The following STAT5B variants were observed in gnomAD, a reference collection of about 807,000 sequenced individuals.
STAT5B encodes the protein signal transducer and activator of transcription 5B, also known as transcription factor STAT5B.
A neutral mutation model predicts 107.8 loss-of-function variants in STAT5B; 21 were observed. The ratio of observed to expected loss-of-function variants is 0.19; its 90% CI spans 0.14 to 0.28. The LOEUF (loss-of-function observed/expected upper bound fraction) is 0.28, where lower values mean the gene tolerates loss of function less well. Among genes scored for constraint, STAT5B ranks in the 10% least tolerant of loss-of-function variants. The probability of loss-of-function intolerance (pLI) is 1.00; values close to 1 mark genes in which losing one functional copy is unlikely to be tolerated. For synonymous variants in STAT5B, 325 were observed against 401.7 expected (o/e 0.81, Z 2.28); for missense variants, 565 against 1,008.2 (o/e 0.56, Z 5.95).
intron 16 of STAT5B, among the ~76,000 whole-genome samples, chr17:42,205,557 A>G (rs2080078325): frequency 4.6e-5 from 7 of 152,094 alleles, no homozygotes; most frequent in African/African-American, 1.7e-4. Context: ...CTTGGCATAC[A>G]ATGTTTTTCT....
At chr17:42,222,767 C>T (rs755763421) in intron 5 of STAT5B, among the ~76,000 whole-genome samples, 1 of 146,390 alleles carries the variant, frequency 6.8e-6, no homozygotes, top group African/African-American at 2.5e-5. Flanking sequence ...CTGCAACCTC[C>T]GCCTCCCGGG....
chr17:42,207,441 G>T, intron 16 of STAT5B, 117 bp downstream of exon 16: 2 of 1,333,126 alleles, frequency 1.5e-6, no homozygotes, highest in Non-Finnish European at 1.1e-6. Flanking sequence ...TCACTGAATG[G>T]TAATTGTGTG....
chr17:42,255,841 A>G (rs1336561569), intron 1 of STAT5B, among the ~76,000 whole-genome samples: 1 of 152,240 alleles, frequency 6.6e-6, no homozygotes, highest in Non-Finnish European at 1.5e-5. Context: ...CTGTAATCCC[A>G]GCACTTTGGG....
chr17:42,237,504 G>A (rs1262847469), intron 1 of STAT5B, among the ~76,000 whole-genome samples: 1 of 152,186 alleles, frequency 6.6e-6, no homozygotes, highest in African/African-American at 2.4e-5. Context: ...AACTGCAGTG[G>A]AGAGTAGTGT....
Position 42,223,508 on chromosome 17 carries a change from G to A in STAT5B, c.424C>T (p.Leu142Phe), listed in dbSNP as rs2144267377. 6.2e-7 allele frequency: 1 copy of A among 1,614,146 alleles called. No individual in the cohort carries two copies. The highest frequency in any genetic ancestry group is 1.6e-4 in the Middle Eastern group (1 of 6,062). Residue 142 changes from leucine to phenylalanine, a missense_variant, in exon 5 of 19, where the codon CTC becomes TTC. By Grantham distance (22) the Leu-to-Phe change is conservative. Transcript: ENST00000293328. ...SLADAMSQKH[L>F]QINQTFEELR... The stretch of plus-strand genomic sequence containing the variant: ...TCCTCAAACGTCTGGTTGATCTGGA[G>A]GTGTTTCTGGGACATGGCATCAGCA...
intron 1 of STAT5B, among the ~76,000 whole-genome samples, chr17:42,261,632 C>T (rs939583768): frequency 2.0e-5 from 3 of 152,152 alleles, no homozygotes; most frequent in Non-Finnish European, 4.4e-5. Flanking sequence ...GCAATCTCAG[C>T]TCACTGTAAC....
intron 1 of STAT5B, among the ~76,000 whole-genome samples, chr17:42,241,475 C>T (rs1320209392): frequency 6.7e-6 from 1 of 148,974 alleles, no homozygotes; most frequent in African/African-American, 2.5e-5. Context: ...CAGAGTCTTG[C>T]TCTGTCACCC....
intron 1 of STAT5B, among the ~76,000 whole-genome samples, chr17:42,265,377 C>CCTTTTTTTTTTTTTTTTTTTTTTTTTTT (rs1555553898): frequency 9.0e-5 from 10 of 110,596 alleles, no homozygotes; most frequent in African/African-American, 3.6e-4. Context: ...ATGTACTCTT[C>CCTTTTTTTTTTTTTTTTTTTTTTTTTTT]TTTTTTTTTT....
At chr17:42,282,522 C>T in the STAT5B span, among the ~76,000 whole-genome samples, 1 of 152,082 alleles carries the variant, frequency 6.6e-6, no homozygotes, top group Admixed American at 6.6e-5. Context: ...CAAGGTTTCA[C>T]CATGCTGAGT....
chr17:42,204,329 G>A (rs1044583738), intron 16 of STAT5B, among the ~76,000 whole-genome samples: 4 of 152,196 alleles, frequency 2.6e-5, no homozygotes, highest in Admixed American at 6.5e-5. Flanking sequence ...TGACATGGGA[G>A]AATGAAGTCT....
intron 12 of STAT5B, among the ~76,000 whole-genome samples, chr17:42,212,504 T>C (rs1390007272): frequency 6.6e-6 from 1 of 152,232 alleles, no homozygotes; most frequent in African/African-American, 2.4e-5. Context: ...GCTCTTAGAT[T>C]GTAAACACCT....
rs1049103345 is a variant in STAT5B, at chr17:42,199,591, C to T, written c.*2147G>A. 6 of 152,244 alleles carry T rather than the reference C, an allele frequency of 3.9e-5. No homozygotes were observed. The highest frequency in any genetic ancestry group is 2.1e-4 in the South Asian group (1 of 4,826). The allele number at this position is 152,244 out of a possible 1,614,324, so 9.4% of individuals were successfully genotyped here. A position where few individuals can be genotyped will look rare whatever the true frequency, so the allele number is the denominator to read the frequency against. The stretch of plus-strand genomic sequence containing the variant: ...AACAAGGAGGAGAGAGAAGATAGAA[C>T]GCAGAGAGCGAGCACACCTTTCATC... On this transcript the variant is annotated 3_prime_UTR_variant, in exon 19 of 19. Transcript: ENST00000293328.
In STAT5B at chr17:42,227,511, C is replaced by T. The variant is rs1259751330; in HGVS notation, c.285+18G>A. The T allele has an allele frequency of 6.2e-7, 1 of 1,612,648 alleles. No homozygotes were observed. Among genetic ancestry groups the T allele is most frequent in the Admixed American group, 1.7e-5 (1 of 59,990 alleles). On this transcript the variant is annotated intron_variant, in intron 3 of 18. Coordinates refer to ENST00000293328, the MANE Select transcript of STAT5B (RefSeq NM_012448.4). ...CCAAGGGAAGGTAATTAAGTGTGAC[C>T]CCAGAGCCCACACCCACCTGGAGCT...
At chr17:42,282,915 G>A in the STAT5B span, among the ~76,000 whole-genome samples, 10 of 152,220 alleles carry the variant, frequency 6.6e-5, no homozygotes, top group East Asian at 1.5e-3. Flanking sequence ...AGAGGCCAGC[G>A]TAAGGGGAAA....
intron 1 of STAT5B, chr17:42,271,775 AAAG>A (rs1470787407): frequency 3.3e-5 from 5 of 152,220 alleles, no homozygotes; most frequent in African/African-American, 1.2e-4. Flanking sequence ...GAATAAACCT[AAAG>A]AAGAAACCAT....
chr17:42,224,803 C>G lies in STAT5B; in HGVS notation c.351G>C (p.Gln117His). The G allele has an allele frequency of 6.2e-7, 1 of 1,613,892 alleles. No homozygotes were observed. Among genetic ancestry groups the G allele is most frequent in the Non-Finnish European group, 8.5e-7 (1 of 1,179,880 alleles). ...RCIRHILYNE[Q>H]RLVREANNGS... is the part of the protein sequence containing the mutation. ...CATTGTTGGCTTCTCGGACCAACCT[C>G]TGTTCATTGTACAATATATGGCGGA... The change falls in exon 4 of 19, where the codon CAG becomes CAC. Residue 117 changes from glutamine (Q) to histidine (H), a missense_variant. By Grantham distance (24) the Gln-to-His change is conservative (BLOSUM62 0). Around this residue, in one of 11 missense-constraint regions of STAT5B, gnomAD observed 83 missense variants for 145.1 expected, o/e 0.57. Coordinates refer to ENST00000293328, the MANE Select transcript of STAT5B (RefSeq NM_012448.4).
At chr17:42,220,837 A>G (rs535786854) in intron 5 of STAT5B, among the ~76,000 whole-genome samples, 1,826 of 152,142 alleles carry the variant, frequency 0.012, 26 homozygotes, top group African/African-American at 0.04. Context: ...GGAACACAGG[A>G]GCACCTGTGT....
intron 1 of STAT5B, among the ~76,000 whole-genome samples, chr17:42,254,236 C>T (rs1223319454): frequency 2.6e-5 from 4 of 152,042 alleles, no homozygotes; most frequent in African/African-American, 9.7e-5. Flanking sequence ...AAAAATTAGC[C>T]AGGCGTGCTG....
chr17:42,258,504 C>A (rs1265930962), intron 1 of STAT5B, among the ~76,000 whole-genome samples: 1 of 152,090 alleles, frequency 6.6e-6, no homozygotes, highest in East Asian at 1.9e-4. Context: ...CATGGTGAAA[C>A]CCTGTCTCTA....
Sources: gnomAD v4.1 joint callset for allele counts (sites outside exome capture counted in the v4.1 genomes callset) on GRCh38, gnomAD v4.1.1 for gene constraint, gnomAD v4.1.1 regional missense constraint, MANE v1.5 for transcripts, NCBI Gene and HGNC (gene_info 2026-07-23, HGNC 2026-07-21) for gene names.